Variants in MYO5B observed in about 807,000 individuals in gnomAD.
The protein encoded by MYO5B is unconventional myosin-Vb.
Under a neutral mutation model 229.3 loss-of-function variants are expected in MYO5B, and 143 were observed. That is an observed-to-expected ratio of 0.62 (90% CI 0.54 to 0.72). The LOEUF (loss-of-function observed/expected upper bound fraction) is 0.72, where lower values mean the gene tolerates loss of function less well. Among genes scored for constraint, MYO5B ranks in the 30% least tolerant of loss-of-function variants. MYO5B has a pLI of 0.00. For synonymous variants in MYO5B, 918 were observed against 885.2 expected (o/e 1.04, Z -0.66); for missense variants, 2,321 against 2,331.0 (o/e 1.00, Z 0.09).
rs1425679590 is a variant in MYO5B, at chr18:49,929,615, A to G, written c.2004-17T>C. 7.0e-6 allele frequency: 11 copies of G among 1,563,730 alleles called. No individual in the cohort carries two copies. The highest frequency in any genetic ancestry group is 1.2e-5 in the South Asian group (1 of 86,742). ...GGGTCAAAGCTGCCAAAGGAGAAAA[A>G]AAAAAAAAAAAGCAAGACAAGAGAT... is the stretch of plus-strand genomic sequence containing the variant. On this transcript the variant is annotated splice_polypyrimidine_tract_variant and intron_variant, in intron 16 of 39. Coordinates refer to ENST00000285039, the MANE Select transcript of MYO5B (RefSeq NM_001080467.3).
chr18:50,174,400 G>C (rs1477600631), intron 1 of MYO5B, among the ~76,000 whole-genome samples: 1 of 152,120 alleles, frequency 6.6e-6, no homozygotes, highest in African/African-American at 2.4e-5. Flanking sequence ...CCAACACCAG[G>C]ATGTCATGTG....
chr18:50,084,578 T>C (rs1301069856), intron 1 of MYO5B, among the ~76,000 whole-genome samples: 2 of 152,068 alleles, frequency 1.3e-5, no homozygotes, highest in South Asian at 2.1e-4. Flanking sequence ...ACAATTTGTT[T>C]CTAGTTGGGA....
rs555483364 is a variant in MYO5B at position 50,043,611 on chromosome 18, AAT to A, written c.139-3299_139-3298del. Among the ~76,000 whole-genome samples the A allele has an allele frequency of 5.9e-3, 784 of 133,240 alleles. 4 individuals are homozygous for A. Among genetic ancestry groups the A allele is most frequent in the African/African-American group, 0.021 (748 of 35,580 alleles). The allele number at this position is 133,240 out of a possible 152,430, so 87.4% of individuals were successfully genotyped here. On this transcript the variant is annotated intron_variant, in intron 2 of 39. Coordinates refer to ENST00000285039, the MANE Select transcript of MYO5B (RefSeq NM_001080467.3). ...ATATTTATAAGTATATAAATATATA[AAT>A]ATATATAAATATATAAATATATTAA...
At chr18:49,974,235 A>C in intron 10 of MYO5B, 115 bp downstream of exon 10, 1 of 1,494,212 alleles carries the variant, frequency 6.7e-7, no homozygotes, top group Non-Finnish European at 9.3e-7. Flanking sequence ...ACACATTTTA[A>C]ACTGCCCTAA....
At chr18:50,009,180 C>T (rs1465719780) in intron 4 of MYO5B, among the ~76,000 whole-genome samples, 1 of 152,084 alleles carries the variant, frequency 6.6e-6, no homozygotes, top group East Asian at 1.9e-4. Flanking sequence ...GAGTTTGAGA[C>T]CAGCCTGGCC....
chr18:50,038,914 T>C (rs1433038937), intron 3 of MYO5B, among the ~76,000 whole-genome samples: 1 of 152,154 alleles, frequency 6.6e-6, no homozygotes, highest in Non-Finnish European at 1.5e-5. Flanking sequence ...CCACCAGCAG[T>C]TGGAGTGAAG....
At chr18:50,146,923 G>T (rs751965691) in intron 1 of MYO5B, among the ~76,000 whole-genome samples, 33 of 152,282 alleles carry the variant, frequency 2.2e-4, no homozygotes, top group Middle Eastern at 3.4e-3. Context: ...GTATAATTCT[G>T]TACTCCCTGT....
chr18:50,044,167 A>C (rs1221723224), intron 2 of MYO5B, among the ~76,000 whole-genome samples: 1 of 152,188 alleles, frequency 6.6e-6, no homozygotes, highest in African/African-American at 2.4e-5. Flanking sequence ...AGAGCAGCAG[A>C]AAAGAGGTGG....
At chr18:50,100,664 G>T (rs34076760) in intron 1 of MYO5B, among the ~76,000 whole-genome samples, 26,540 of 152,160 alleles carry the variant, frequency 0.17, 2,636 homozygotes, top group African/African-American at 0.28. Flanking sequence ...GGGGCCAAAA[G>T]CCACATACTA....
intron 1 of MYO5B, among the ~76,000 whole-genome samples, chr18:50,116,695 G>A (rs910357656): frequency 4.6e-5 from 7 of 151,804 alleles, no homozygotes; most frequent in East Asian, 1.9e-4. Context: ...TGGATCAGCC[G>A]CATAGCTTCA....
At chr18:49,906,803 C>A (rs899323062) in intron 18 of MYO5B, among the ~76,000 whole-genome samples, 173 bp from the exon 19 acceptor site, 1 of 152,158 alleles carries the variant, frequency 6.6e-6, no homozygotes, top group Non-Finnish European at 1.5e-5. Context: ...GACCCTACTA[C>A]GGGCCAGACT....
At chr18:49,915,108 C>T (rs1285391676) in intron 17 of MYO5B, among the ~76,000 whole-genome samples, 5 of 152,154 alleles carry the variant, frequency 3.3e-5, no homozygotes. Context: ...AGTATAAGAG[C>T]AAATACCAAA....
intron 1 of MYO5B, among the ~76,000 whole-genome samples, chr18:50,155,263 C>A (rs1366257269): frequency 6.6e-6 from 1 of 152,052 alleles, no homozygotes; most frequent in Non-Finnish European, 1.5e-5. Context: ...CTATATTATG[C>A]CTTTAACTAA....
intron 8 of MYO5B, among the ~76,000 whole-genome samples, chr18:49,983,669 G>A (rs2025840196): frequency 6.6e-6 from 1 of 152,172 alleles, no homozygotes; most frequent in African/African-American, 2.4e-5. Flanking sequence ...TGCTACTGCT[G>A]TAGTTAACAA....
At chr18:49,858,300 T>A (rs1297971887) in intron 29 of MYO5B, among the ~76,000 whole-genome samples, 1 of 151,960 alleles carries the variant, frequency 6.6e-6, no homozygotes, top group Non-Finnish European at 1.5e-5. Flanking sequence ...TCATGGCTGG[T>A]GCTTTAACCC....
rs560170249 is a variant in MYO5B at position 50,042,511 on chromosome 18, T to C, written c.139-2197A>G. Among the ~76,000 whole-genome samples the C allele has an allele frequency of 1.1e-4, 17 of 152,344 alleles. No homozygotes were observed. The East Asian group carries it at 2.7e-3, about 24-fold the overall frequency. Reference sequence around the variant, plus strand: ...TTTTATTTATATTAAACTTTGTCTATACAGGAAACCAGTGAACAATTAACT... The same window carrying C: ...TTTTATTTATATTAAACTTTGTCTACACAGGAAACCAGTGAACAATTAACT... On this transcript the variant is annotated intron_variant, in intron 2 of 39. Transcript: ENST00000285039.
chr18:49,883,009 A>G (rs1027804256), intron 22 of MYO5B, among the ~76,000 whole-genome samples: 11 of 152,260 alleles, frequency 7.2e-5, no homozygotes, highest in Admixed American at 5.2e-4. Flanking sequence ...AGTGGTTATG[A>G]TAAAAACACT....
chr18:50,118,091 C>A (rs540475395), intron 1 of MYO5B, among the ~76,000 whole-genome samples: 1 of 152,290 alleles, frequency 6.6e-6, no homozygotes, highest in South Asian at 2.1e-4. Context: ...TCACTCAATG[C>A]AATCAAGCAA....
At chr18:49,998,438 T>A (rs932609955) in intron 5 of MYO5B, among the ~76,000 whole-genome samples, 1 of 152,236 alleles carries the variant, frequency 6.6e-6, no homozygotes, top group African/African-American at 2.4e-5. Flanking sequence ...GTGTGCATGT[T>A]GCTTTTCATC....
Sources: gnomAD v4.1 joint callset for allele counts (sites outside exome capture counted in the v4.1 genomes callset) on GRCh38, gnomAD v4.1.1 for gene constraint, MANE v1.5 for transcripts, NCBI Gene and HGNC (gene_info 2026-07-23, HGNC 2026-07-21) for gene names.